The following PTPRD variants were observed in gnomAD, a reference collection of about 807,000 sequenced individuals.
PTPRD encodes the protein protein tyrosine phosphatase receptor type D.
PTPRD carries 34 observed loss-of-function variants against 214.5 expected under a neutral mutation model. That is an observed-to-expected ratio of 0.16 (90% confidence interval 0.12 to 0.21). PTPRD has a LOEUF of 0.21. Ranked by LOEUF, PTPRD falls within the 10% of genes least tolerant of loss-of-function variation. The probability of loss-of-function intolerance (pLI) is 1.00; values close to 1 mark genes in which losing one functional copy is unlikely to be tolerated. For synonymous variants in PTPRD, 1,128 were observed against 845.7 expected, an observed-to-expected ratio of 1.33 and a Z score of -5.79; for missense variants, 2,545 against 2,398.7, an observed-to-expected ratio of 1.06 and a Z score of -1.27.
At chr9:8,810,167 A>G (rs1454510317) in intron 11 of PTPRD, among the ~76,000 whole-genome samples, 1 of 152,224 alleles carries the variant, frequency 6.6e-6, no homozygotes, top group Non-Finnish European at 1.5e-5. Flanking sequence ...ATTGATGGAA[A>G]GCTAGAATTG....
chr9:8,826,478 T>A (rs751373933), intron 11 of PTPRD, among the ~76,000 whole-genome samples: 1 of 152,100 alleles, frequency 6.6e-6, no homozygotes, highest in Non-Finnish European at 1.5e-5. Context: ...CCTCCAGCCC[T>A]GCTGGCCTCC....
At chr9:8,491,715 T>G (rs1259589039) in intron 27 of PTPRD, among the ~76,000 whole-genome samples, 1 of 150,818 alleles carries the variant, frequency 6.6e-6, no homozygotes, top group Non-Finnish European at 1.5e-5. Flanking sequence ...TTTTGCCATC[T>G]GTAATCCTGC....
intron 8 of PTPRD, among the ~76,000 whole-genome samples, chr9:9,473,128 A>G (rs1487110826): frequency 6.6e-6 from 1 of 152,048 alleles, no homozygotes; most frequent in East Asian, 1.9e-4. Flanking sequence ...CCCTCTCCCT[A>G]CACTTCCCAC....
chr9:9,955,624 C>T (rs974530584), intron 4 of PTPRD, among the ~76,000 whole-genome samples: 3 of 151,414 alleles, frequency 2.0e-5, no homozygotes, highest in African/African-American at 4.9e-5. Context: ...CCCAGGTTCA[C>T]GCCATTCTCC....
At chr9:8,940,678 A>G (rs1012176451) in intron 11 of PTPRD, among the ~76,000 whole-genome samples, 1 of 151,920 alleles carries the variant, frequency 6.6e-6, no homozygotes, top group East Asian at 1.9e-4. Context: ...GGAACTTTCT[A>G]ATGTAATGGT....
At position 9,704,370 on chromosome 9, in the gene PTPRD, T is replaced by A. The variant is rs562540535; in HGVS notation, c.-287+30163A>T. On this transcript the variant is annotated intron_variant, in intron 7 of 45. Coordinates refer to ENST00000381196, the MANE Select transcript of PTPRD (RefSeq NM_002839.4). ...AAATTATATCCACTCGACATATTATTTTGAATCATTAATATGCTCAGCATC... is the reference window on the plus strand; with the variant it reads ...AAATTATATCCACTCGACATATTATATTGAATCATTAATATGCTCAGCATC... Among the ~76,000 whole-genome samples, 3 of 152,182 alleles carry A rather than the reference T, an allele frequency of 2.0e-5. No homozygotes were observed. The South Asian group carries it at 6.2e-4, about 31-fold the overall frequency.
chr9:9,388,356 A>G (rs1405188051), intron 9 of PTPRD, among the ~76,000 whole-genome samples: 1 of 152,146 alleles, frequency 6.6e-6, no homozygotes, highest in Non-Finnish European at 1.5e-5. Flanking sequence ...CAGGGACCAC[A>G]CACTCCTCTA....
chr9:8,525,508 C>G (rs766330478), intron 17 of PTPRD, among the ~76,000 whole-genome samples: 1 of 151,890 alleles, frequency 6.6e-6, no homozygotes, highest in East Asian at 1.9e-4. Context: ...GCAGCGAGCA[C>G]AAAAAGGCTG....
At chr9:10,268,977 C>T (rs1373084133) in intron 3 of PTPRD, among the ~76,000 whole-genome samples, 1 of 152,132 alleles carries the variant, frequency 6.6e-6, no homozygotes, top group African/African-American at 2.4e-5. Flanking sequence ...GTCAGTAGCG[C>T]CCTCCAGTGT....
chr9:8,585,667 G>A (rs1016429053), intron 14 of PTPRD, among the ~76,000 whole-genome samples: 1 of 152,198 alleles, frequency 6.6e-6, no homozygotes, highest in East Asian at 1.9e-4. Flanking sequence ...CAGATGAAAT[G>A]TATTTATTTA....
chr9:8,829,196 T>G (rs565324208), intron 11 of PTPRD, among the ~76,000 whole-genome samples: 1 of 152,306 alleles, frequency 6.6e-6, no homozygotes, highest in South Asian at 2.1e-4. Flanking sequence ...TATGTCTACA[T>G]AACCCACATC....
chr9:10,414,261 A>C (rs1044957303), intron 2 of PTPRD, among the ~76,000 whole-genome samples: 2 of 151,494 alleles, frequency 1.3e-5, no homozygotes, highest in African/African-American at 4.8e-5. Context: ...AAAATTAAAA[A>C]ACCATTAAAA....
chr9:9,364,917 G>A (rs1197657696), intron 9 of PTPRD, among the ~76,000 whole-genome samples: 2 of 151,370 alleles, frequency 1.3e-5, no homozygotes, highest in East Asian at 1.9e-4. Flanking sequence ...ACCTAATGGT[G>A]GCTTAGACTG....
At chr9:8,495,274 A>AGCT (rs1235400407) in intron 26 of PTPRD, among the ~76,000 whole-genome samples, 1 of 152,190 alleles carries the variant, frequency 6.6e-6, no homozygotes. Context: ...GAACGGTAAC[A>AGCT]CATCTGCAAA....
At chr9:8,832,211 T>C (rs1332509005) in intron 11 of PTPRD, among the ~76,000 whole-genome samples, 2 of 151,976 alleles carry the variant, frequency 1.3e-5, no homozygotes, top group Non-Finnish European at 2.9e-5. Context: ...AAAAACGTTA[T>C]GCCAAATGGT....
chr9:9,901,527 C>A (rs1157073543), intron 5 of PTPRD, among the ~76,000 whole-genome samples: 1 of 151,838 alleles, frequency 6.6e-6, no homozygotes, highest in Non-Finnish European at 1.5e-5. Flanking sequence ...TTAACAGTTG[C>A]TGGGGAAATA....
At chr9:9,053,515 AAAG>A (rs1460992414) in intron 10 of PTPRD, among the ~76,000 whole-genome samples, 4 of 152,110 alleles carry the variant, frequency 2.6e-5, no homozygotes, top group African/African-American at 9.7e-5. Flanking sequence ...ACTGTAGAAA[AAAG>A]AAGATACTTA....
intron 11 of PTPRD, among the ~76,000 whole-genome samples, chr9:8,736,568 C>G: frequency 6.6e-6 from 1 of 152,250 alleles, no homozygotes; most frequent in Admixed American, 6.5e-5. Flanking sequence ...ATTTCTGAAA[C>G]TCAGCTTAAG....
chr9:8,415,303 CTTCT>C (rs1332843173), intron 35 of PTPRD, among the ~76,000 whole-genome samples: 1 of 152,114 alleles, frequency 6.6e-6, no homozygotes, highest in Non-Finnish European at 1.5e-5. Context: ...CTTTTTCCTC[CTTCT>C]AAGACAGCAT....
Sources: allele counts gnomAD v4.1 joint callset (sites outside exome capture counted in the v4.1 genomes callset), GRCh38; gene constraint gnomAD v4.1.1; transcripts MANE v1.5; gene names NCBI Gene and HGNC (gene_info 2026-07-23, HGNC 2026-07-21).